ERICH2: variants seen among roughly 807,000 people sequenced by gnomAD.
The protein encoded by ERICH2 is glutamate rich 2.
A neutral mutation model predicts 17.4 loss-of-function variants in ERICH2; 17 were observed. The observed-to-expected ratio is 0.98, with a 90% confidence interval of 0.67 to 1.47. The LOEUF is 1.47. Ranked by LOEUF, ERICH2 falls within the 40% of genes most tolerant of loss-of-function variation. The probability of loss-of-function intolerance (pLI) is 0.00; values close to 1 mark genes in which losing one functional copy is unlikely to be tolerated. For missense variants in ERICH2, 186 were observed against 183.2 expected (o/e 1.01, Z -0.09); for synonymous variants, 51 against 61.1 (o/e 0.83, Z 0.77).
the ERICH2 span, among the ~76,000 whole-genome samples, chr2:170,773,760 C>G: frequency 4.6e-5 from 7 of 152,150 alleles, no homozygotes; most frequent in African/African-American, 1.7e-4. Flanking sequence ...GAGTCCCACT[C>G]TCTTGCCCAG....
chr2:170,793,506 A>T (rs548896900), intron 3 of ERICH2, among the ~76,000 whole-genome samples: 1 of 152,336 alleles, frequency 6.6e-6, no homozygotes, highest in East Asian at 1.9e-4. Context: ...TCACTGAAAG[A>T]CTTGAGGAAT....
At chr2:170,784,725 G>T (rs1701113154) in exon 2 of ERICH2, 5 of 1,546,380 alleles carry the variant, frequency 3.2e-6, no homozygotes, top group African/African-American at 1.4e-5. Flanking sequence ...ATGATAAATT[G>T]TCAGAATCAG....
At chr2:170,794,731 C>A (rs1338098728) in intron 3 of ERICH2, among the ~76,000 whole-genome samples, 1 of 152,162 alleles carries the variant, frequency 6.6e-6, no homozygotes, top group Admixed American at 6.5e-5. Context: ...AACTTAAATT[C>A]ATTCTTACAG....
the ERICH2 span, among the ~76,000 whole-genome samples, chr2:170,773,469 A>T: frequency 6.6e-6 from 1 of 152,210 alleles, no homozygotes; most frequent in East Asian, 1.9e-4. Context: ...CAAAAGAAAG[A>T]ATTTGATTGG....
chr2:170,771,725 G>A, the ERICH2 span, among the ~76,000 whole-genome samples: 3 of 152,110 alleles, frequency 2.0e-5, no homozygotes, highest in African/African-American at 7.2e-5. This position sits in a 1 kb window ranked among gnomAD's most constrained non-coding sequence, Gnocchi z 4.8. Flanking sequence ...TTATATTCCC[G>A]GGCCTTATTC....
At position 170,784,411 on chromosome 2, in the gene ERICH2, CCT is replaced by C. The variant is rs1423356244; in HGVS notation, c.29-232_29-231del. ...GTGTGAAGTTGGCCAGTATATTTAA[CCT>C]CTGTGTCCCTCAGTTTCCTCACCTA... On this transcript the variant is annotated intron_variant, in intron 1 of 4. Transcript: ENST00000409885. 3.9e-5 allele frequency among the ~76,000 whole-genome samples: 6 copies of C among 152,170 alleles called. No individual in the cohort carries two copies. In the East Asian group the frequency reaches 1.2e-3, roughly 29 times the overall value.
At chr2:170,771,119 C>T in the ERICH2 span, 1 of 154,426 alleles carries the variant, frequency 6.5e-6, no homozygotes, top group Non-Finnish European at 1.5e-5. The surrounding 1 kb of genome is among the most constrained non-coding windows in gnomAD (Gnocchi z 4.8). Flanking sequence ...CAGCTCCGCG[C>T]GAGCAGCTAG....
At position 170,786,944 on chromosome 2, in the gene ERICH2, A is replaced by G. The variant is rs186468312; in HGVS notation, c.216+2111A>G. ...TTTTAACATGCCTGCCTGCTATTCT[A>G]TCGTCTTTGTTAATTCTAGGTCAGT... On this transcript the variant is annotated intron_variant, in intron 2 of 4. Transcript: ENST00000409885. Among the ~76,000 whole-genome samples, 1,163 of 152,026 alleles carry G rather than the reference A, an allele frequency of 7.7e-3. 9 individuals are homozygous for G. The highest frequency in any genetic ancestry group is 0.016 in the Admixed American group (241 of 15,276).
chr2:170,776,166 GTAATT>G, the ERICH2 span, among the ~76,000 whole-genome samples: 1 of 152,094 alleles, frequency 6.6e-6, no homozygotes, highest in Non-Finnish European at 1.5e-5. Flanking sequence ...CTATGATCAG[GTAATT>G]TAGGTAAAAA....
intron 2 of ERICH2, among the ~76,000 whole-genome samples, chr2:170,792,107 C>T (rs945718306): frequency 2.0e-5 from 3 of 151,782 alleles, no homozygotes; most frequent in Non-Finnish European, 4.4e-5. Context: ...TAAATTGTAG[C>T]CTAAGTAAGT....
intron 3 of ERICH2, among the ~76,000 whole-genome samples, chr2:170,796,440 G>GTTTTTTTT (rs370083171): frequency 1.2e-5 from 1 of 83,452 alleles, no homozygotes; most frequent in African/African-American, 3.7e-5. Flanking sequence ...TTTTTTTTTT[G>GTTTTTTTT]TTTTTTTTTT....
At chr2:170,792,756 TG>T in intron 2 of ERICH2, 106 bp from the exon 8 acceptor site, 1 of 660,830 alleles carries the variant, frequency 1.5e-6, no homozygotes, top group South Asian at 2.4e-5. Context: ...GAAAAACATG[TG>T]GAAGTGTTAA....
At chr2:170,795,546 C>T (rs1410058900) in intron 3 of ERICH2, among the ~76,000 whole-genome samples, 1 of 152,070 alleles carries the variant, frequency 6.6e-6, no homozygotes. Context: ...CGGGGTTTCA[C>T]CACATTGCCC....
intron 2 of ERICH2, among the ~76,000 whole-genome samples, chr2:170,790,575 C>T (rs1207039396): frequency 2.6e-5 from 4 of 152,188 alleles, no homozygotes; most frequent in Admixed American, 2.6e-4. Context: ...TGCAGTGAGC[C>T]GAGATGGCGC....
chr2:170,781,816 C>T (rs1559251040), upstream of ERICH2, among the ~76,000 whole-genome samples: 1 of 99,738 alleles, frequency 1.0e-5, no homozygotes, highest in Non-Finnish European at 2.6e-5. Context: ...ATGAAAAAGG[C>T]TATTTTATAT....
At chr2:170,780,171 A>G (rs1700995541), upstream of ERICH2, among the ~76,000 whole-genome samples, 1 of 152,190 alleles carries the variant, frequency 6.6e-6, no homozygotes, top group African/African-American at 2.4e-5. Context: ...ATAAAGTAAA[A>G]TTTTAAATCT....
the ERICH2 span, chr2:170,777,394 G>C: frequency 3.4e-6 from 4 of 1,162,092 alleles, no homozygotes; most frequent in South Asian, 4.4e-5. Context: ...AGAACAAACA[G>C]AATGGCAGAT....
At chr2:170,783,599 T>C (rs2105691816), upstream of ERICH2, among the ~76,000 whole-genome samples, 1 of 152,284 alleles carries the variant, frequency 6.6e-6, no homozygotes, top group South Asian at 2.1e-4. Flanking sequence ...AGTAAGGTAA[T>C]TGCAGTTTGT....
intron 2 of ERICH2, among the ~76,000 whole-genome samples, chr2:170,789,701 TAACAAA>T (rs1311251020): frequency 6.6e-6 from 1 of 152,206 alleles, no homozygotes; most frequent in African/African-American, 2.4e-5. Flanking sequence ...TATTTTATGC[TAACAAA>T]AACAACACAT....
Sources: gnomAD v4.1 joint callset for allele counts (sites outside exome capture counted in the v4.1 genomes callset) on GRCh38, gnomAD v4.1.1 for gene constraint, Gnocchi (gnomAD v3.1) non-coding constraint, MANE v1.5 for transcripts, NCBI Gene and HGNC (gene_info 2026-07-23, HGNC 2026-07-21) for gene names.